Variants in NTN1 observed in about 807,000 individuals in gnomAD.
NTN1 encodes the protein netrin 1.
In NTN1, 11 loss-of-function variants were observed where a neutral mutation model predicts 54.2. The observed-to-expected ratio is 0.20, with a 90% CI of 0.13 to 0.34. The LOEUF is 0.34. Ranked by LOEUF, NTN1 falls within the 10% of genes least tolerant of loss-of-function variation. NTN1 has a pLI of 1.00. For missense variants in NTN1, 740 were observed against 893.1 expected (o/e 0.83, Z 2.18); for synonymous variants, 371 against 382.0 (o/e 0.97, Z 0.33).
At chr17:9,130,249 A>C (rs556804046) in intron 2 of NTN1, among the ~76,000 whole-genome samples, 1 of 151,472 alleles carries the variant, frequency 6.6e-6, no homozygotes, top group South Asian at 2.1e-4. Context: ...TATGGGTTTC[A>C]CTCCAGCACC....
At chr17:9,049,968 C>A (rs2091954554) in intron 2 of NTN1, among the ~76,000 whole-genome samples, 1 of 152,132 alleles carries the variant, frequency 6.6e-6, no homozygotes, top group Non-Finnish European at 1.5e-5. Context: ...AAATGTCGGC[C>A]AGGCGCAGTG....
intron 2 of NTN1, among the ~76,000 whole-genome samples, chr17:9,108,299 C>T (rs1327493429): frequency 6.6e-6 from 1 of 152,152 alleles, no homozygotes; most frequent in African/African-American, 2.4e-5. Flanking sequence ...GGGATGTTAT[C>T]ATGCAGCCAG....
intron 2 of NTN1, among the ~76,000 whole-genome samples, chr17:9,028,183 G>A (rs977687919): frequency 6.6e-6 from 1 of 152,192 alleles, no homozygotes; most frequent in African/African-American, 2.4e-5. Context: ...TTGCTTCACT[G>A]GAACGTATTG....
chr17:9,123,856 A>G (rs142490975), intron 2 of NTN1, among the ~76,000 whole-genome samples: 2 of 152,272 alleles, frequency 1.3e-5, no homozygotes, highest in East Asian at 3.9e-4. Context: ...AGGCTTTGTA[A>G]GTGGTAAAAC....
At chr17:9,227,771 G>GCACACATACCA (rs1200624613) in intron 6 of NTN1, among the ~76,000 whole-genome samples, 1 of 149,680 alleles carries the variant, frequency 6.7e-6, no homozygotes, top group African/African-American at 2.5e-5. Context: ...TATCATACAG[G>GCACACATACCA]CACACATACC....
intron 2 of NTN1, among the ~76,000 whole-genome samples, chr17:9,133,148 T>A (rs1390015301): frequency 6.6e-6 from 1 of 152,106 alleles, no homozygotes; most frequent in African/African-American, 2.4e-5. Context: ...CTAGTCCTTC[T>A]CCTTTCCCTG....
At chr17:9,156,873 C>T (rs913818621) in intron 2 of NTN1, among the ~76,000 whole-genome samples, 14 of 152,148 alleles carry the variant, frequency 9.2e-5, no homozygotes, top group African/African-American at 2.4e-4. Context: ...TATACATACC[C>T]GCTTGCCTGT....
At chr17:9,038,253 CTT>C (rs2091909563) in intron 2 of NTN1, among the ~76,000 whole-genome samples, 1 of 41,932 alleles carries the variant, frequency 2.4e-5, no homozygotes, top group South Asian at 6.9e-4. Flanking sequence ...CTTCTCCTCT[CTT>C]TCTCTCTCTC....
intron 6 of NTN1, among the ~76,000 whole-genome samples, chr17:9,238,283 G>A (rs1357306487): frequency 6.6e-6 from 1 of 152,278 alleles, no homozygotes; most frequent in South Asian, 2.1e-4. Flanking sequence ...GAGCTTGCCT[G>A]TGTGTTGGTT....
intron 2 of NTN1, among the ~76,000 whole-genome samples, chr17:9,106,484 CCTTCCTTCCTTCCTT>C (rs2092167037): frequency 2.7e-5 from 1 of 36,576 alleles, no homozygotes; most frequent in East Asian, 0.012. Flanking sequence ...TTCCTTCCTT[CCTTCCTTCCTTCCTT>C]CCTTCCTTCC....
chr17:9,004,134 A>C, the NTN1 span, among the ~76,000 whole-genome samples: 3 of 152,354 alleles, frequency 2.0e-5, no homozygotes, highest in East Asian at 5.8e-4. Flanking sequence ...GCGACTGCTC[A>C]AGGCGCGGAC....
intron 2 of NTN1, among the ~76,000 whole-genome samples, chr17:9,029,537 G>C (rs1160401025): frequency 1.3e-5 from 2 of 152,206 alleles, no homozygotes. Context: ...AGCTGCCTGG[G>C]CCAGTCCTGT....
intron 2 of NTN1, among the ~76,000 whole-genome samples, chr17:9,103,768 T>C (rs1421334030): frequency 6.6e-6 from 1 of 151,886 alleles, no homozygotes; most frequent in African/African-American, 2.4e-5. Context: ...CTGTTATGCT[T>C]GGTGAAAAAA....
At chr17:9,201,402 T>A (rs948360758) in intron 5 of NTN1, among the ~76,000 whole-genome samples, 25 of 152,144 alleles carry the variant, frequency 1.6e-4, no homozygotes, top group African/African-American at 6.0e-4. Flanking sequence ...AGTGGGTGAT[T>A]TGGACCTCAG....
upstream of NTN1, among the ~76,000 whole-genome samples, chr17:9,021,222 C>T (rs1233965403): frequency 6.6e-6 from 1 of 151,928 alleles, no homozygotes; most frequent in East Asian, 2.0e-4. Context: ...CAGTCCCCGG[C>T]GGCCCCTCCT....
At chr17:9,192,715 C>A (rs980524083) in intron 5 of NTN1, among the ~76,000 whole-genome samples, 3 of 152,196 alleles carry the variant, frequency 2.0e-5, no homozygotes, top group African/African-American at 7.2e-5. Context: ...GCTGGGGCAG[C>A]ACCGGGAGAC....
intron 2 of NTN1, among the ~76,000 whole-genome samples, chr17:9,070,145 G>T (rs1327236780): frequency 6.6e-6 from 1 of 152,172 alleles, no homozygotes; most frequent in Non-Finnish European, 1.5e-5. Flanking sequence ...TCAACTCTGT[G>T]ACCTTGGGCA....
At chr17:9,065,965 A>G (rs1470214300) in intron 2 of NTN1, among the ~76,000 whole-genome samples, 2 of 152,378 alleles carry the variant, frequency 1.3e-5, no homozygotes, top group East Asian at 1.9e-4. Flanking sequence ...AAATCCATTC[A>G]TATGTGTCCG....
At chr17:9,056,295 G>A (rs1223037537) in intron 2 of NTN1, among the ~76,000 whole-genome samples, 1 of 152,216 alleles carries the variant, frequency 6.6e-6, no homozygotes, top group Non-Finnish European at 1.5e-5. Flanking sequence ...GACCTCAAGT[G>A]ATCTGCCTGC....
Sources: allele counts gnomAD v4.1 joint callset (sites outside exome capture counted in the v4.1 genomes callset), GRCh38; gene constraint gnomAD v4.1.1; transcripts MANE v1.5; gene names NCBI Gene and HGNC (gene_info 2026-07-23, HGNC 2026-07-21).